FARS2: variants seen among roughly 807,000 people sequenced by gnomAD.
The protein encoded by FARS2 is phenylalanine--tRNA ligase, mitochondrial.
In FARS2, 40 loss-of-function variants were observed where a neutral mutation model predicts 46.4. The ratio of observed to expected loss-of-function variants is 0.86; its 90% CI spans 0.67 to 1.12. FARS2 has a LOEUF of 1.12. Among genes scored for constraint, FARS2 ranks in the 50% most tolerant of loss-of-function variants. FARS2 has a pLI of 0.00. For missense variants in FARS2, 513 were observed against 567.9 expected, an observed-to-expected ratio of 0.90 and a Z score of 0.98; for synonymous variants, 234 against 214.9, an observed-to-expected ratio of 1.09 and a Z score of -0.78.
In FARS2 at chr6:5,545,365, T is replaced by C. The variant is rs1411511801; in HGVS notation, c.1065+25T>C. On this transcript the variant is annotated intron_variant, in intron 5 of 6. Coordinates refer to ENST00000274680, the MANE Select transcript of FARS2 (RefSeq NM_006567.5). ...GGTAAGATGACTTGCAAGAACTGAA[T>C]AGATAATAATAAAAATGGCTGTCAA... 8 of 1,571,840 alleles carry C rather than the reference T, an allele frequency of 5.1e-6. No individual in the cohort carries two copies. In the South Asian group the frequency reaches 6.9e-5, roughly 14 times the overall value.
At chr6:5,262,635 T>C (rs1359445181) in intron 1 of FARS2, among the ~76,000 whole-genome samples, 2 of 152,200 alleles carry the variant, frequency 1.3e-5, no homozygotes, top group Non-Finnish European at 2.9e-5. Context: ...TACCATTCTT[T>C]AGTGTACTTG....
chr6:5,423,079 C>A (rs1383424110), intron 3 of FARS2, among the ~76,000 whole-genome samples: 1 of 146,702 alleles, frequency 6.8e-6, no homozygotes, highest in Non-Finnish European at 1.5e-5. Context: ...CAGGCTGTCC[C>A]CCACCCGACC....
chr6:5,725,989 A>G (rs965225826), intron 6 of FARS2, among the ~76,000 whole-genome samples: 1 of 152,084 alleles, frequency 6.6e-6, no homozygotes, highest in African/African-American at 2.4e-5. Flanking sequence ...TGTCATCATC[A>G]TTGTTGGAAT....
chr6:5,467,975 C>T lies in FARS2; in HGVS notation c.904+36803C>T, dbSNP rs189437349. 7.9e-5 allele frequency among the ~76,000 whole-genome samples: 12 copies of T among 152,214 alleles called. No individual in the cohort carries two copies. In the East Asian group the frequency reaches 1.2e-3, roughly 15 times the overall value. Reference sequence around the variant, plus strand: ...TTAAATAGAATATATATTGGTGCAACGTTTATTATTCATTTTCCTGACTGA... The same window carrying T: ...TTAAATAGAATATATATTGGTGCAATGTTTATTATTCATTTTCCTGACTGA... On this transcript the variant is annotated intron_variant, in intron 4 of 6. Coordinates refer to ENST00000274680, the MANE Select transcript of FARS2 (RefSeq NM_006567.5).
At chr6:5,461,332 G>A (rs1024363793) in intron 4 of FARS2, among the ~76,000 whole-genome samples, 1 of 152,116 alleles carries the variant, frequency 6.6e-6, no homozygotes, top group Non-Finnish European at 1.5e-5. Flanking sequence ...GAGCCACCAC[G>A]CCTGGCCCAG....
chr6:5,428,255 G>GT (rs1185480588), intron 3 of FARS2, among the ~76,000 whole-genome samples: 1 of 152,210 alleles, frequency 6.6e-6, no homozygotes, highest in Non-Finnish European at 1.5e-5. Context: ...GAGAGATGGA[G>GT]TTGTATAACT....
rs552269070 is a variant in FARS2, at chr6:5,291,613, A to G, written c.-22+29953A>G. Reference sequence around the variant, plus strand: ...CAATCCTTTTTACCCTTAGAATTAAATATTGAATAGCTGAGTGTGTTGGCA... The same window carrying G: ...CAATCCTTTTTACCCTTAGAATTAAGTATTGAATAGCTGAGTGTGTTGGCA... On this transcript the variant is annotated intron_variant, in intron 1 of 6. Coordinates refer to ENST00000274680, the MANE Select transcript of FARS2 (RefSeq NM_006567.5). Among the ~76,000 whole-genome samples the G allele has an allele frequency of 9.8e-5, 15 of 152,330 alleles. No individual in the cohort carries two copies. In the South Asian group the frequency reaches 2.7e-3, roughly 27 times the overall value.
At chr6:5,416,925 T>C (rs946542276) in intron 3 of FARS2, among the ~76,000 whole-genome samples, 3 of 152,216 alleles carry the variant, frequency 2.0e-5, no homozygotes, top group African/African-American at 7.2e-5. Context: ...TTTTAATTCT[T>C]ATGTATACTA....
intron 5 of FARS2, among the ~76,000 whole-genome samples, chr6:5,572,307 T>TG (rs1407369636): frequency 6.6e-6 from 1 of 152,002 alleles, no homozygotes; most frequent in Non-Finnish European, 1.5e-5. Flanking sequence ...GAGAGACAGT[T>TG]GGGGGTGGGG....
At chr6:5,353,726 GTT>G (rs55998904) in intron 1 of FARS2, among the ~76,000 whole-genome samples, 1 of 40,362 alleles carries the variant, frequency 2.5e-5, no homozygotes, top group Admixed American at 3.9e-4. Context: ...AATATTTGGT[GTT>G]TTTTTTTTTT....
At chr6:5,331,396 C>G (rs1039619918) in intron 1 of FARS2, among the ~76,000 whole-genome samples, 1 of 152,170 alleles carries the variant, frequency 6.6e-6, no homozygotes, top group Non-Finnish European at 1.5e-5. Context: ...GTCCCATGTC[C>G]AGCCTGCCAA....
At chr6:5,620,832 C>T (rs927958944) in intron 6 of FARS2, among the ~76,000 whole-genome samples, 11 of 152,230 alleles carry the variant, frequency 7.2e-5, no homozygotes, top group Non-Finnish European at 5.9e-5. Flanking sequence ...GAGTCAGATG[C>T]TGCCCAGGGT....
At position 5,632,702 on chromosome 6, in the gene FARS2, C is replaced by T. The variant is rs542169719; in HGVS notation, c.1217+19382C>T. 5.0e-5 allele frequency among the ~76,000 whole-genome samples: 7 copies of T among 140,236 alleles called. No individual in the cohort carries two copies. In the South Asian group the frequency reaches 1.5e-3, roughly 30 times the overall value. The allele number at this position is 140,236 out of a possible 152,430, so 92.0% of individuals were successfully genotyped here. On this transcript the variant is annotated intron_variant, in intron 6 of 6. Coordinates refer to ENST00000274680, the MANE Select transcript of FARS2 (RefSeq NM_006567.5). Reference sequence around the variant, plus strand: ...TAATGAGTGTGAAGTGGTGTCTCATCGTGGTTTCAATTTGCATTTCCCTGA... The same window carrying T: ...TAATGAGTGTGAAGTGGTGTCTCATTGTGGTTTCAATTTGCATTTCCCTGA...
At chr6:5,539,380 T>TTGTGTGTGTATG (rs138161918) in intron 4 of FARS2, among the ~76,000 whole-genome samples, 2 of 79,848 alleles carry the variant, frequency 2.5e-5, no homozygotes, top group African/African-American at 1.9e-4. Context: ...CTAATTTTTT[T>TTGTGTGTGTATG]TGTGTATATA....
At chr6:5,740,291 G>C (rs1761250391) in intron 6 of FARS2, among the ~76,000 whole-genome samples, 1 of 152,182 alleles carries the variant, frequency 6.6e-6, no homozygotes. Context: ...TTCAGCTGTT[G>C]CTTAAAAGTA....
chr6:5,287,818 T>C (rs1332425144), intron 1 of FARS2, among the ~76,000 whole-genome samples: 1 of 152,196 alleles, frequency 6.6e-6, no homozygotes, highest in Admixed American at 6.5e-5. Context: ...TCCAGCCCCA[T>C]GTGGCTCCAG....
intron 6 of FARS2, among the ~76,000 whole-genome samples, chr6:5,663,900 T>G (rs1434104623): frequency 6.6e-6 from 1 of 152,194 alleles, no homozygotes; most frequent in African/African-American, 2.4e-5. Context: ...GCTGCACTGG[T>G]GTCTTTACTG....
intron 6 of FARS2, among the ~76,000 whole-genome samples, chr6:5,768,755 G>C (rs1762872992): frequency 6.6e-6 from 1 of 152,066 alleles, no homozygotes; most frequent in African/African-American, 2.4e-5. Context: ...TCATGTGCTT[G>C]TTGGCCATTT....
chr6:5,591,034 A>T (rs1379140715), intron 5 of FARS2, among the ~76,000 whole-genome samples: 1 of 152,250 alleles, frequency 6.6e-6, no homozygotes, highest in Non-Finnish European at 1.5e-5. Flanking sequence ...CACACAGATC[A>T]AAGAAAATAA....
Sources: gnomAD v4.1 joint callset for allele counts (sites outside exome capture counted in the v4.1 genomes callset) on GRCh38, gnomAD v4.1.1 for gene constraint, MANE v1.5 for transcripts, NCBI Gene and HGNC (gene_info 2026-07-23, HGNC 2026-07-21) for gene names.